The following ZNF148 variants were observed in gnomAD, a reference collection of about 807,000 sequenced individuals.
The protein encoded by ZNF148 is Beta-Enolase Repressor Factor-1.
A neutral mutation model predicts 67.7 loss-of-function variants in ZNF148; 7 were observed. That is an observed-to-expected ratio of 0.10 (90% confidence interval 0.06 to 0.19). The LOEUF is 0.19. Ranked by LOEUF, ZNF148 falls within the 10% of genes least tolerant of loss-of-function variation. The pLI, the probability that ZNF148 is intolerant of heterozygous loss-of-function variation, is 1.00. For synonymous variants in ZNF148, 333 were observed against 330.7 expected (o/e 1.01, Z -0.08); for missense variants, 583 against 947.1 (o/e 0.62, Z 5.05).
chr3:125,305,353 T>C (rs537365834), intron 4 of ZNF148, among the ~76,000 whole-genome samples: 10 of 152,306 alleles, frequency 6.6e-5, no homozygotes, highest in African/African-American at 2.4e-4. Flanking sequence ...CCAAAAGTGA[T>C]GAATTAACCC....
chr3:125,333,789 C>T (rs766912518), intron 1 of ZNF148, among the ~76,000 whole-genome samples: 3 of 152,216 alleles, frequency 2.0e-5, no homozygotes, highest in Admixed American at 6.5e-5. Flanking sequence ...TATTCCTTGA[C>T]TTATGATGAG....
At chr3:125,301,764 A>G (rs1939600410) in intron 4 of ZNF148, among the ~76,000 whole-genome samples, 1 of 151,944 alleles carries the variant, frequency 6.6e-6, no homozygotes, top group African/African-American at 2.4e-5. Flanking sequence ...TCTCTCTTCA[A>G]TTCAAAAATG....
intron 2 of ZNF148, among the ~76,000 whole-genome samples, chr3:125,327,596 G>A (rs1457331588): frequency 6.6e-6 from 1 of 152,160 alleles, no homozygotes; most frequent in Non-Finnish European, 1.5e-5. Flanking sequence ...TGAGGTGGAT[G>A]GATTGCTTAA....
chr3:125,309,694 A>C (rs1940092418), intron 4 of ZNF148, among the ~76,000 whole-genome samples: 1 of 152,228 alleles, frequency 6.6e-6, no homozygotes, highest in Non-Finnish European at 1.5e-5. Context: ...CCACTGGGGA[A>C]GTTTCAGTAA....
At chr3:125,344,733 GC>G in intron 1 of ZNF148, 1 of 559,816 alleles carries the variant, frequency 1.8e-6, no homozygotes, top group Non-Finnish European at 3.3e-6. Context: ...TTTCCATTAT[GC>G]TTTTTTAATA....
At chr3:125,289,377 G>T (rs1263078697) in intron 4 of ZNF148, among the ~76,000 whole-genome samples, 1 of 152,182 alleles carries the variant, frequency 6.6e-6, no homozygotes, top group African/African-American at 2.4e-5. Context: ...CTGAAATGCA[G>T]GCCATGTGAG....
At chr3:125,300,728 C>T (rs1467267748) in intron 4 of ZNF148, among the ~76,000 whole-genome samples, 1 of 152,050 alleles carries the variant, frequency 6.6e-6, no homozygotes, top group South Asian at 2.1e-4. Flanking sequence ...TAGATAGTTC[C>T]TACTTTATAA....
In ZNF148 at chr3:125,351,407, C is replaced by T. The variant is rs1332627808; in HGVS notation, c.-233-20169G>A. Reference sequence around the variant, plus strand: ...AAAAAAAAAAAAAAAAAAAAAAAAGCGCAGTTGCTATTCAATGGGTATTGT... The same window carrying T: ...AAAAAAAAAAAAAAAAAAAAAAAAGTGCAGTTGCTATTCAATGGGTATTGT... On this transcript the variant is annotated intron_variant, in intron 1 of 8. Transcript: ENST00000360647. 7.6e-5 allele frequency among the ~76,000 whole-genome samples: 4 copies of T among 52,972 alleles called. 1 individual carries two copies. The highest frequency in any genetic ancestry group is 4.6e-4 in the Admixed American group (3 of 6,528). The allele number at this position is 52,972 out of a possible 152,430, so 34.8% of individuals were successfully genotyped here. A position where few individuals can be genotyped will look rare whatever the true frequency, so the allele number is the denominator to read the frequency against.
rs1368708301 is a variant in ZNF148, at chr3:125,232,133, T to C, written c.*208A>G. The C allele has an allele frequency of 3.8e-6, 2 of 521,598 alleles. No individual in the cohort carries two copies. Among genetic ancestry groups the C allele is most frequent in the African/African-American group, 3.8e-5 (2 of 52,334 alleles). The allele number at this position is 521,598 out of a possible 1,614,324, so 32.3% of individuals were successfully genotyped here. A position where few individuals can be genotyped will look rare whatever the true frequency, so the allele number is the denominator to read the frequency against. Reference sequence around the variant, plus strand: ...TCTAAAACAAGTAATGCATTGCTTCTATAAAGGTGACAACATGTAAGGCAG... The same window carrying C: ...TCTAAAACAAGTAATGCATTGCTTCCATAAAGGTGACAACATGTAAGGCAG... On this transcript the variant is annotated 3_prime_UTR_variant, in exon 9 of 9. Transcript: ENST00000360647. This position sits in a 1 kb window ranked among gnomAD's most constrained non-coding sequence, Gnocchi z 4.2.
chr3:125,369,089 G>A (rs977943210), intron 1 of ZNF148, among the ~76,000 whole-genome samples: 12 of 150,890 alleles, frequency 8.0e-5, no homozygotes, highest in African/African-American at 2.4e-4. Flanking sequence ...TGGTGAAACC[G>A]TGTCTCTACT....
intron 1 of ZNF148, among the ~76,000 whole-genome samples, chr3:125,359,902 C>T (rs1030079552): frequency 3.9e-5 from 6 of 152,200 alleles, no homozygotes; most frequent in South Asian, 2.1e-4. Context: ...TGCAGCTCCA[C>T]GCCGCTGCTC....
intron 3 of ZNF148, chr3:125,314,815 T>C (rs943622491): frequency 3.9e-5 from 6 of 152,178 alleles, no homozygotes; most frequent in Non-Finnish European, 8.8e-5. Context: ...TCCAACACTC[T>C]AGGAGGCCGA....
At chr3:125,367,030 G>A (rs1468611550) in intron 1 of ZNF148, among the ~76,000 whole-genome samples, 1 of 152,134 alleles carries the variant, frequency 6.6e-6, no homozygotes, top group Non-Finnish European at 1.5e-5. Context: ...CACAAGTCCA[G>A]CTGCCCTACC....
intron 1 of ZNF148, chr3:125,344,407 C>A: frequency 1.4e-6 from 1 of 716,452 alleles, no homozygotes; most frequent in Non-Finnish European, 2.6e-6. Context: ...CCTTGGCCTC[C>A]TCAGGGACCC....
intron 4 of ZNF148, among the ~76,000 whole-genome samples, chr3:125,309,609 G>A (rs1579767139): frequency 6.6e-6 from 1 of 152,140 alleles, no homozygotes; most frequent in Non-Finnish European, 1.5e-5. Context: ...AAAAAAAGTT[G>A]GATAAGGGAC....
At chr3:125,234,655 T>C (rs1936004019) in intron 7 of ZNF148, among the ~76,000 whole-genome samples, 1 of 152,186 alleles carries the variant, frequency 6.6e-6, no homozygotes, top group Admixed American at 6.5e-5. Flanking sequence ...TCATATAAAA[T>C]ATTGTATAAC....
In ZNF148 at chr3:125,231,122, T is replaced by C. The variant is rs970211881; in HGVS notation, c.*1219A>G. ...AGTTACTGGAATTAGTAAACACTTT[T>C]GGTTTGTAAAGTTGTAATGAGCAGT... On this transcript the variant is annotated 3_prime_UTR_variant, in exon 9 of 9. Coordinates refer to ENST00000360647, the MANE Select transcript of ZNF148 (RefSeq NM_021964.3). 1 of 152,560 alleles carries C rather than the reference T, an allele frequency of 6.6e-6. No individual in the cohort carries two copies. The highest frequency in any genetic ancestry group is 6.5e-5 in the Admixed American group (1 of 15,270). The allele number at this position is 152,560 out of a possible 1,614,324, so 9.5% of individuals were successfully genotyped here.
chr3:125,350,165 TG>T (rs1441554314), intron 1 of ZNF148, among the ~76,000 whole-genome samples: 1 of 109,028 alleles, frequency 9.2e-6, no homozygotes, highest in Non-Finnish European at 2.0e-5. Context: ...GTTTTGGTTT[TG>T]TTTTGTTTTT....
At chr3:125,318,755 T>C (rs777719420) in intron 3 of ZNF148, among the ~76,000 whole-genome samples, 3 of 152,148 alleles carry the variant, frequency 2.0e-5, no homozygotes, top group Non-Finnish European at 2.9e-5. Context: ...CACTGCAAGT[T>C]ACCCAGAGCA....
Sources: gnomAD v4.1 joint callset for allele counts (sites outside exome capture counted in the v4.1 genomes callset) on GRCh38, gnomAD v4.1.1 for gene constraint, Gnocchi (gnomAD v3.1) non-coding constraint, MANE v1.5 for transcripts, NCBI Gene and HGNC (gene_info 2026-07-23, HGNC 2026-07-21) for gene names.